Variants in DPYD observed in about 807,000 individuals in gnomAD.
DPYD encodes dihydropyrimidine dehydrogenase.
DPYD carries 109 observed loss-of-function variants against 116.2 expected under a neutral mutation model. The observed-to-expected ratio is 0.94, with a 90% CI of 0.80 to 1.10. The LOEUF (loss-of-function observed/expected upper bound fraction) is 1.10, where lower values mean the gene tolerates loss of function less well. Ranked by LOEUF, DPYD falls within the 50% of genes least tolerant of loss-of-function variation. The pLI is 0.00. For missense variants in DPYD, 1,302 were observed against 1,254.5 expected, an observed-to-expected ratio of 1.04 and a Z score of -0.57; for synonymous variants, 440 against 432.0, an observed-to-expected ratio of 1.02 and a Z score of -0.23.
At chr1:97,278,268 T>C (rs1665085375) in intron 18 of DPYD, among the ~76,000 whole-genome samples, 2 of 152,202 alleles carry the variant, frequency 1.3e-5, no homozygotes, top group Admixed American at 6.5e-5. Context: ...CTTCATCTCA[T>C]AAGAAAGTAC....
chr1:97,094,313 C>T (rs1346586108), intron 21 of DPYD, among the ~76,000 whole-genome samples: 1 of 152,024 alleles, frequency 6.6e-6, no homozygotes, highest in East Asian at 1.9e-4. Flanking sequence ...TTTTAAAAGA[C>T]TCCTTCATAA....
In DPYD at chr1:97,483,881, C is replaced by T. The variant is rs1189768017; in HGVS notation, c.1740+31845G>A. 4.0e-4 allele frequency among the ~76,000 whole-genome samples: 22 copies of T among 54,692 alleles called. No individual in the cohort carries two copies. The Admixed American group carries it at 4.5e-3, about 11-fold the overall frequency. The allele number at this position is 54,692 out of a possible 152,430, so 35.9% of individuals were successfully genotyped here. A position where few individuals can be genotyped will look rare whatever the true frequency, so the allele number is the denominator to read the frequency against. On this transcript the variant is annotated intron_variant, in intron 13 of 22. Coordinates refer to ENST00000370192, the MANE Select transcript of DPYD (RefSeq NM_000110.4). Reference sequence around the variant, plus strand: ...ATTTTGGAATTCCTAGCTAACAGAACTGTGAAAAAAAAAAAATTATCTTCT... The same window carrying T: ...ATTTTGGAATTCCTAGCTAACAGAATTGTGAAAAAAAAAAAATTATCTTCT...
At chr1:97,567,723 C>T (rs1174660946) in intron 11 of DPYD, among the ~76,000 whole-genome samples, 8 of 152,036 alleles carry the variant, frequency 5.3e-5, no homozygotes, top group Admixed American at 4.6e-4. Context: ...TTCAAAAGTG[C>T]CTTTCTTGTC....
chr1:97,317,874 C>T (rs535227194), intron 16 of DPYD, among the ~76,000 whole-genome samples: 26 of 152,120 alleles, frequency 1.7e-4, no homozygotes, highest in African/African-American at 6.0e-4. Flanking sequence ...ACTGCAATCC[C>T]TTGGCAATGA....
chr1:97,607,352 A>G (rs748812326), intron 8 of DPYD, among the ~76,000 whole-genome samples: 5 of 151,682 alleles, frequency 3.3e-5, no homozygotes, highest in Non-Finnish European at 7.4e-5. Context: ...TTTTTATTAC[A>G]TGTCCTTCTT....
intron 7 of DPYD, among the ~76,000 whole-genome samples, chr1:97,688,092 C>A (rs1490912696): frequency 6.6e-6 from 1 of 152,058 alleles, no homozygotes; most frequent in East Asian, 1.9e-4. Context: ...ACCTATGTAA[C>A]AAATCTACGC....
At chr1:97,653,746 A>G (rs1658728411) in intron 8 of DPYD, among the ~76,000 whole-genome samples, 1 of 151,764 alleles carries the variant, frequency 6.6e-6, no homozygotes, top group Non-Finnish European at 1.5e-5. Context: ...TCACCTTTTT[A>G]TAGGGAAGGG....
At chr1:97,815,430 A>C (rs1173416918) in intron 3 of DPYD, among the ~76,000 whole-genome samples, 1 of 152,228 alleles carries the variant, frequency 6.6e-6, no homozygotes, top group Non-Finnish European at 1.5e-5. Context: ...AAGGAGAGTT[A>C]AAAGGAGTGG....
At chr1:97,384,080 G>A (rs909473809) in intron 14 of DPYD, among the ~76,000 whole-genome samples, 1 of 152,062 alleles carries the variant, frequency 6.6e-6, no homozygotes, top group African/African-American at 2.4e-5. Flanking sequence ...CTGCACTCCG[G>A]CCTGGGCAAC....
chr1:97,307,510 G>C (rs1439567410), intron 16 of DPYD, among the ~76,000 whole-genome samples: 2 of 151,684 alleles, frequency 1.3e-5, no homozygotes, highest in Non-Finnish European at 2.9e-5. Flanking sequence ...TACTCAAAAA[G>C]TTATGCATTT....
chr1:97,822,108 C>G (rs1470770558), intron 3 of DPYD, among the ~76,000 whole-genome samples: 1 of 151,162 alleles, frequency 6.6e-6, no homozygotes, highest in Middle Eastern at 3.2e-3. Flanking sequence ...AAAGCATACG[C>G]CTCAAAAAAT....
chr1:97,802,225 T>G (rs142881749), intron 3 of DPYD, among the ~76,000 whole-genome samples: 1 of 152,038 alleles, frequency 6.6e-6, no homozygotes, highest in South Asian at 2.1e-4. Context: ...CAGTTGGCTC[T>G]AGCAAATTCT....
At chr1:97,091,681 G>A (rs1649906765) in intron 21 of DPYD, among the ~76,000 whole-genome samples, 1 of 152,118 alleles carries the variant, frequency 6.6e-6, no homozygotes, top group African/African-American at 2.4e-5. Context: ...AATTTGAATA[G>A]AGCTGTGCTG....
chr1:97,245,154 T>C (rs1057021337), intron 18 of DPYD, among the ~76,000 whole-genome samples: 2 of 152,102 alleles, frequency 1.3e-5, no homozygotes, highest in African/African-American at 4.8e-5. Context: ...TCATTACAAG[T>C]CACATATACA....
chr1:97,714,570 T>C (rs1662496410), intron 5 of DPYD, among the ~76,000 whole-genome samples: 1 of 138,120 alleles, frequency 7.2e-6, no homozygotes, highest in Non-Finnish European at 1.5e-5. Flanking sequence ...ATGTAATTTC[T>C]AAAGAAGGAA....
chr1:97,662,732 C>G (rs1659339379), intron 8 of DPYD, among the ~76,000 whole-genome samples: 1 of 152,176 alleles, frequency 6.6e-6, no homozygotes, highest in Non-Finnish European at 1.5e-5. Flanking sequence ...TCTAGCCACA[C>G]AGATTCATCT....
At chr1:97,284,585 T>A (rs1228503582) in intron 18 of DPYD, among the ~76,000 whole-genome samples, 1 of 152,100 alleles carries the variant, frequency 6.6e-6, no homozygotes, top group Non-Finnish European at 1.5e-5. Flanking sequence ...AATTAATTGC[T>A]AGTCAATTTT....
intron 20 of DPYD, among the ~76,000 whole-genome samples, chr1:97,183,229 T>G (rs528395543): frequency 6.6e-6 from 1 of 152,146 alleles, no homozygotes; most frequent in South Asian, 2.1e-4. Flanking sequence ...GAAAGTCTTA[T>G]AGTCTTACCT....
At chr1:97,556,441 G>T (rs1294769948) in intron 11 of DPYD, among the ~76,000 whole-genome samples, 4 of 147,110 alleles carry the variant, frequency 2.7e-5, no homozygotes, top group Non-Finnish European at 6.0e-5. Flanking sequence ...TGCCATGCTG[G>T]TGTGCTGCAC....
Sources: gnomAD v4.1 joint callset for allele counts (sites outside exome capture counted in the v4.1 genomes callset) on GRCh38, gnomAD v4.1.1 for gene constraint, MANE v1.5 for transcripts, NCBI Gene and HGNC (gene_info 2026-07-23, HGNC 2026-07-21) for gene names.